ZNF479: variants seen among roughly 807,000 people sequenced by gnomAD.
The protein encoded by ZNF479 is KRAB zinc finger protein KR19.
A neutral mutation model predicts 14.7 loss-of-function variants in ZNF479; 15 were observed. The ratio of observed to expected loss-of-function variants is 1.02; its 90% CI spans 0.68 to 1.57. ZNF479 has a LOEUF of 1.57. ZNF479 is among the 40% of genes most tolerant of loss of function. ZNF479 has a pLI of 0.00. For synonymous variants in ZNF479, 145 were observed against 211.5 expected (o/e 0.69, Z 2.73); for missense variants, 506 against 615.1 (o/e 0.82, Z 1.88).
chr7:57,127,262 A>G (rs1786215679), intron 1 of ZNF479, among the ~76,000 whole-genome samples: 3 of 152,094 alleles, frequency 2.0e-5, no homozygotes, highest in Non-Finnish European at 4.4e-5. Context: ...ACCTCAGGTG[A>G]TCCACCCACC....
At chr7:57,133,309 G>A (rs1285798068), upstream of ZNF479, among the ~76,000 whole-genome samples, 2 of 151,952 alleles carry the variant, frequency 1.3e-5, no homozygotes, top group Non-Finnish European at 2.9e-5. Context: ...TTTCCACCAT[G>A]TAAGATGTGC....
rs1415405104 is a variant in ZNF479, at chr7:57,117,870, G to T, written c.*1970C>A. 1.3e-5 allele frequency among the ~76,000 whole-genome samples: 2 copies of T among 152,238 alleles called. No homozygotes were observed. The highest frequency in any genetic ancestry group is 2.9e-5 in the Non-Finnish European group (2 of 68,036). ...AACTATTTTTTTATAGAAGAAAGAA[G>T]CATACCTCGAAGGTAATTATGAATC... On this transcript the variant is annotated 3_prime_UTR_variant, in exon 4 of 4. Transcript: ENST00000319636.
Position 57,120,913 on chromosome 7 carries a change from T to C in ZNF479, c.502A>G (p.Lys168Glu). 2 of 1,613,918 alleles carry C rather than the reference T, an allele frequency of 1.2e-6. No individual in the cohort carries two copies. The highest frequency in any genetic ancestry group is 4.5e-5 in the East Asian group (2 of 44,870). Residue 168 changes from lysine (K) to glutamate (E), a missense_variant, in exon 4 of 4, where the codon AAA becomes GAA. Lys to Glu is a moderately conservative substitution (Grantham distance 56). This residue lies in a region of ZNF479 where 420 missense variants were observed against 474.2 expected (regional missense o/e 0.89). Transcript: ENST00000319636. ...QTHKYVKVFG[K>E]FSNSNRDKTR... Reference sequence around the variant, plus strand: ...TTATCTCTATTGGAATTTGAAAATTTACCAAAGACTTTGACATATTTATGA... The same window carrying C: ...TTATCTCTATTGGAATTTGAAAATTCACCAAAGACTTTGACATATTTATGA...
At chr7:57,125,975 G>A (rs1361551711) in intron 3 of ZNF479, 43 bp downstream of exon 3, 13 of 1,587,302 alleles carry the variant, frequency 8.2e-6, no homozygotes, top group South Asian at 2.2e-5. Flanking sequence ...CTTGATTTGT[G>A]TACCTCTCAT....
chr7:57,121,001 G>A lies in ZNF479; in HGVS notation c.414C>T (p.His138=), dbSNP rs1360513637. 1 of 1,613,900 alleles carries A rather than the reference G, an allele frequency of 6.2e-7. No individual in the cohort carries two copies. Among genetic ancestry groups the A allele is most frequent in the Non-Finnish European group, 8.5e-7 (1 of 1,180,006 alleles). Residue 138 remains histidine, a synonymous_variant, in exon 4 of 4, where the codon CAC becomes CAT. Transcript: ENST00000319636. ...GGTTAACTTCACTATAACCTCCCTT[G>A]TGCACCTCATATTCACCCACACTTT... ...CCKSVGEYEV[H]KGGYSEVNQC...
chr7:57,117,686 T>A lies in ZNF479; in HGVS notation c.*2154A>T, dbSNP rs1785747710. On this transcript the variant is annotated 3_prime_UTR_variant, in exon 4 of 4. Transcript: ENST00000319636. ...AGTTGACACATAATCTTTAAAAAAT[T>A]TTTAAATTTATTGCATTTTATTACA... Among the ~76,000 whole-genome samples, 1 of 152,254 alleles carries A rather than the reference T, an allele frequency of 6.6e-6. No homozygotes were observed. Among genetic ancestry groups the A allele is most frequent in the East Asian group, 1.9e-4 (1 of 5,202 alleles).
In ZNF479 at chr7:57,118,967, G is replaced by A. The variant is rs1554399488; in HGVS notation, c.*873C>T. On this transcript the variant is annotated 3_prime_UTR_variant, in exon 4 of 4. Transcript: ENST00000319636. ...TCTTTTTTAGAAAAGTTTGAGGTGT[G>A]CTTAAATGCTCTGTCACATTTTTAT... Among the ~76,000 whole-genome samples the A allele has an allele frequency of 1.3e-5, 2 of 152,098 alleles. No homozygotes were observed. Among genetic ancestry groups the A allele is most frequent in the African/African-American group, 4.8e-5 (2 of 41,414 alleles).
At chr7:57,121,823 A>ATT (rs1200508428) in intron 3 of ZNF479, among the ~76,000 whole-genome samples, 1 of 152,148 alleles carries the variant, frequency 6.6e-6, no homozygotes, top group African/African-American at 2.4e-5. Flanking sequence ...AAAATCAAAA[A>ATT]TTTTGAAAAA....
chr7:57,123,313 G>A (rs1395192371), intron 3 of ZNF479, among the ~76,000 whole-genome samples: 1 of 152,148 alleles, frequency 6.6e-6, no homozygotes, highest in Non-Finnish European at 1.5e-5. Flanking sequence ...ATTGTGCCAA[G>A]TCATTCATGA....
chr7:57,120,976 G>T lies in ZNF479; in HGVS notation c.439C>A (p.Gln147Lys), dbSNP rs782236736. 4.3e-6 allele frequency: 7 copies of T among 1,613,924 alleles called. No homozygotes were observed. Among genetic ancestry groups the T allele is most frequent in the Non-Finnish European group, 5.9e-6 (7 of 1,180,028 alleles). ...VHKGGYSEVN[Q>K]CLSTTQNKIF... ...TTGTTTTGGGTAGTTGACAAACATTGGTTAACTTCACTATAACCTCCCTTG... is the reference window on the plus strand; with the variant it reads ...TTGTTTTGGGTAGTTGACAAACATTTGTTAACTTCACTATAACCTCCCTTG... Residue 147 changes from glutamine to lysine, a missense_variant, in exon 4 of 4, where the codon CAA becomes AAA. Around this residue, in one of 3 missense-constraint regions of ZNF479, gnomAD observed 420 missense variants for 474.2 expected, o/e 0.89. Coordinates refer to ENST00000319636, the MANE Select transcript of ZNF479 (RefSeq NM_001370129.2).
Position 57,118,121 on chromosome 7 carries a change from T to C in ZNF479, c.*1719A>G, listed in dbSNP as rs1554399360. ...ACTGGTGTTTTCTAAGCTGGAGGTTTTGAAAAAATGTTTTTCACATTCATT... is the reference window on the plus strand; with the variant it reads ...ACTGGTGTTTTCTAAGCTGGAGGTTCTGAAAAAATGTTTTTCACATTCATT... On this transcript the variant is annotated 3_prime_UTR_variant, in exon 4 of 4. Transcript: ENST00000319636. Among the ~76,000 whole-genome samples, 1 of 152,284 alleles carries C rather than the reference T, an allele frequency of 6.6e-6. No homozygotes were observed. Among genetic ancestry groups the C allele is most frequent in the Non-Finnish European group, 1.5e-5 (1 of 68,044 alleles).
At chr7:57,130,842 A>G (rs1786382816) in intron 1 of ZNF479, among the ~76,000 whole-genome samples, 1 of 152,208 alleles carries the variant, frequency 6.6e-6, no homozygotes, top group Non-Finnish European at 1.5e-5. Context: ...AGCAAAAACA[A>G]GAAATAATCC....
chr7:57,119,820 T>C lies in ZNF479; in HGVS notation c.*20A>G, dbSNP rs1322990240. On this transcript the variant is annotated 3_prime_UTR_variant, in exon 4 of 4. Coordinates refer to ENST00000319636, the MANE Select transcript of ZNF479 (RefSeq NM_001370129.2). ...AAATTATTTTATGTATTATAAGGCCTGAGGGTGGACTTTGCCATATTATTC... is the reference window on the plus strand; with the variant it reads ...AAATTATTTTATGTATTATAAGGCCCGAGGGTGGACTTTGCCATATTATTC... The C allele has an allele frequency of 6.2e-7, 1 of 1,600,252 alleles. No individual in the cohort carries two copies. The highest frequency in any genetic ancestry group is 1.7e-5 in the Admixed American group (1 of 58,716).
At position 57,119,754 on chromosome 7, in the gene ZNF479, T is replaced by C; in HGVS notation, c.*86A>G. 2 of 1,185,510 alleles carry C rather than the reference T, an allele frequency of 1.7e-6. No individual in the cohort carries two copies. Among genetic ancestry groups the C allele is most frequent in the East Asian group, 2.6e-5 (1 of 38,870 alleles). 73.4% of individuals were successfully genotyped at this position (1,185,510 alleles called of 1,614,324 possible). ...TTAAGGTTTGGAACTGGTTAAAGGC[T>C]TGGCCACATTCTCTACATTTGTAGT... is the stretch of plus-strand genomic sequence containing the variant. On this transcript the variant is annotated 3_prime_UTR_variant, in exon 4 of 4. Transcript: ENST00000319636.
In ZNF479 at chr7:57,132,266, A is replaced by G; in HGVS notation, c.39+20T>C. The G allele has an allele frequency of 6.2e-7, 1 of 1,613,954 alleles. No homozygotes were observed. Among genetic ancestry groups the G allele is most frequent in the Non-Finnish European group, 8.5e-7 (1 of 1,179,990 alleles). ...AATCAGCCCCCACCCCTCTCTCACG[A>G]TGACAGACCCAGCACTCACCATTTC... On this transcript the variant is annotated intron_variant, in intron 1 of 3. Transcript: ENST00000319636.
At chr7:57,127,161 T>C (rs1425969005) in intron 1 of ZNF479, among the ~76,000 whole-genome samples, 1 of 151,868 alleles carries the variant, frequency 6.6e-6, no homozygotes, top group Admixed American at 6.6e-5. Flanking sequence ...TAGCTGGGAC[T>C]ACAGGCATGA....
intron 1 of ZNF479, among the ~76,000 whole-genome samples, chr7:57,129,316 T>C (rs1786318299): frequency 6.6e-6 from 1 of 152,188 alleles, no homozygotes; most frequent in Non-Finnish European, 1.5e-5. Context: ...CCCCGCTCTA[T>C]GCAACGTGAT....
In ZNF479 at chr7:57,118,567, T is replaced by C. The variant is rs1554399435; in HGVS notation, c.*1273A>G. Among the ~76,000 whole-genome samples the C allele has an allele frequency of 6.6e-6, 1 of 152,182 alleles. No individual in the cohort carries two copies. The highest frequency in any genetic ancestry group is 1.9e-4 in the East Asian group (1 of 5,198). On this transcript the variant is annotated 3_prime_UTR_variant, in exon 4 of 4. Coordinates refer to ENST00000319636, the MANE Select transcript of ZNF479 (RefSeq NM_001370129.2). ...TTCTATTTTTAGTAGAGATGGAGTT[T>C]CACCATGTTGGCCAGGCTGGTCTTG...
At position 57,117,942 on chromosome 7, in the gene ZNF479, T is replaced by A. The variant is rs1182516804; in HGVS notation, c.*1898A>T. Among the ~76,000 whole-genome samples, 1 of 152,280 alleles carries A rather than the reference T, an allele frequency of 6.6e-6. No individual in the cohort carries two copies. Among genetic ancestry groups the A allele is most frequent in the African/African-American group, 2.4e-5 (1 of 41,480 alleles). On this transcript the variant is annotated 3_prime_UTR_variant, in exon 4 of 4. Transcript: ENST00000319636. ...ACATGTATATGGTGTTAGCTTTGGA[T>A]CTCTTTTACACTCAACCCTCTGATT... is the stretch of plus-strand genomic sequence containing the variant.
Sources: gnomAD v4.1 joint callset for allele counts (sites outside exome capture counted in the v4.1 genomes callset) on GRCh38, gnomAD v4.1.1 for gene constraint, gnomAD v4.1.1 regional missense constraint, MANE v1.5 for transcripts, NCBI Gene and HGNC (gene_info 2026-07-23, HGNC 2026-07-21) for gene names.